CACNA1H: variants seen among roughly 807,000 people sequenced by gnomAD.
The protein encoded by CACNA1H is voltage-dependent T-type calcium channel subunit alpha-1H.
CACNA1H carries 149 observed loss-of-function variants against 192.5 expected under a neutral mutation model. The observed-to-expected ratio is 0.77, with a 90% CI of 0.68 to 0.89. The LOEUF (loss-of-function observed/expected upper bound fraction) is 0.89, where lower values mean the gene tolerates loss of function less well. Among genes scored for constraint, CACNA1H ranks in the 40% least tolerant of loss-of-function variants. The probability of loss-of-function intolerance (pLI) is 0.00; values close to 1 mark genes in which losing one functional copy is unlikely to be tolerated. For missense variants in CACNA1H, 4,257 were observed against 3,423.5 expected (o/e 1.24, Z -6.08); for synonymous variants, 2,202 against 1,475.2 (o/e 1.49, Z -11.29).
At chr16:1,215,139 G>T (rs751550871) in intron 28 of CACNA1H, 58 bp downstream of exon 28, 1 of 1,584,028 alleles carries the variant, frequency 6.3e-7, no homozygotes, top group Non-Finnish European at 8.6e-7. Flanking sequence ...TGGGGGCTGG[G>T]GGCAGGTGAG....
chr16:1,202,229 T>TGCCGCA lies in CACNA1H; in HGVS notation c.1783_1788dup (p.Ala595_Ala596dup). 2 of 1,556,336 alleles carry TGCCGCA rather than the reference T, an allele frequency of 1.3e-6. No homozygotes were observed. The highest frequency in any genetic ancestry group is 1.7e-6 in the Non-Finnish European group (2 of 1,151,634). On this transcript the variant is annotated inframe_insertion, in exon 9 of 35. Transcript: ENST00000348261. ...CGCAGGAGAGGGCCCGGGTGGCACATGCCGCAGCCACTGCCGCTGCCAGCC... is the reference window on the plus strand; with the variant it reads ...CGCAGGAGAGGGCCCGGGTGGCACATGCCGCAGCCGCAGCCACTGCCGCTGCCAGCC...
At chr16:1,187,648 C>T (rs1316372031) in intron 2 of CACNA1H, among the ~76,000 whole-genome samples, 1 of 152,188 alleles carries the variant, frequency 6.6e-6, no homozygotes, top group South Asian at 2.1e-4. Flanking sequence ...AGGATGCAGC[C>T]GAGCAGGGAG....
At chr16:1,198,017 T>C (rs755657805) in intron 5 of CACNA1H, among the ~76,000 whole-genome samples, 1 of 152,096 alleles carries the variant, frequency 6.6e-6, no homozygotes, top group Non-Finnish European at 1.5e-5. Context: ...TCCAGCAGCC[T>C]CTCTCTGAGA....
intron 25 of CACNA1H, 30 bp from the exon 26 acceptor site, chr16:1,212,481 G>C: frequency 1.2e-6 from 2 of 1,607,004 alleles, no homozygotes; most frequent in Admixed American, 3.4e-5. Flanking sequence ...CCACGCCCTC[G>C]GCCCTCAGAC....
At chr16:1,158,358 CG>C (rs1390628948) in intron 2 of CACNA1H, among the ~76,000 whole-genome samples, 1 of 151,564 alleles carries the variant, frequency 6.6e-6, no homozygotes, top group African/African-American at 2.4e-5. Context: ...GAGAGGCCCC[CG>C]GGGGTGACGA....
intron 2 of CACNA1H, among the ~76,000 whole-genome samples, chr16:1,187,554 T>G (rs992012480): frequency 2.0e-5 from 3 of 152,194 alleles, no homozygotes; most frequent in African/African-American, 7.2e-5. Context: ...AGCAGATTGC[T>G]CTAGGGGACA....
intron 12 of CACNA1H, 51 bp downstream of exon 12, chr16:1,206,340 T>G (rs1335781322): frequency 1.3e-6 from 2 of 1,520,248 alleles, no homozygotes; most frequent in Non-Finnish European, 1.8e-6. Context: ...CCAGGGCAGC[T>G]GGGAGGCAAA....
rs778680080 is a variant in CACNA1H, at chr16:1,205,284, C to T, written c.2603+19C>T. On this transcript the variant is annotated intron_variant, in intron 11 of 34. Coordinates refer to ENST00000348261, the MANE Select transcript of CACNA1H (RefSeq NM_021098.3). ...TCATCAGGTGGGTCCCCACCCTCTC[C>T]CCAGGAAGAGGGGCCCGGGAAGCTC... 10 of 1,584,100 alleles carry T rather than the reference C, an allele frequency of 6.3e-6. No homozygotes were observed. Among genetic ancestry groups the T allele is most frequent in the Non-Finnish European group, 8.6e-6 (10 of 1,159,290 alleles).
At chr16:1,174,599 C>A (rs990473293) in intron 2 of CACNA1H, among the ~76,000 whole-genome samples, 2 of 152,038 alleles carry the variant, frequency 1.3e-5, no homozygotes, top group African/African-American at 2.4e-5. Flanking sequence ...TGGGCCCCTC[C>A]CCAAGCAGGG....
At position 1,210,834 on chromosome 16, in the gene CACNA1H, C is replaced by T. The variant is rs767588625; in HGVS notation, c.4086C>T (p.Ser1362=). Residue 1362 remains serine (S), a synonymous_variant, in exon 21 of 35, where the codon AGC becomes AGT. Transcript: ENST00000348261. The part of the protein sequence containing the change: ...LLSGEHAYLQ[S]SWNLLDGLLV... ...CCGGCGAGCACGCCTACCTGCAGAG[C>T]AGCTGGAACCTGCTGGATGGGCTGC... 6.2e-6 allele frequency: 10 copies of T among 1,604,396 alleles called. No individual in the cohort carries two copies. In the Admixed American group the frequency reaches 1.0e-4, roughly 16 times the overall value.
intron 2 of CACNA1H, among the ~76,000 whole-genome samples, chr16:1,171,010 A>C (rs2151705840): frequency 6.6e-6 from 1 of 151,710 alleles, no homozygotes; most frequent in East Asian, 2.0e-4. Flanking sequence ...TCCTCTCTCT[A>C]GCTCTCCCCC....
chr16:1,155,865 C>T (rs537316051), intron 2 of CACNA1H, among the ~76,000 whole-genome samples: 13 of 152,208 alleles, frequency 8.5e-5, no homozygotes, highest in East Asian at 3.9e-4. Flanking sequence ...CTGGGGCCAG[C>T]GGCATCACGT....
intron 2 of CACNA1H, among the ~76,000 whole-genome samples, chr16:1,194,013 G>T: frequency 6.6e-6 from 1 of 152,126 alleles, no homozygotes; most frequent in African/African-American, 2.4e-5. Flanking sequence ...TGTTGGGCAG[G>T]GGGCGCTGCT....
chr16:1,172,158 GGT>G (rs886535774), intron 2 of CACNA1H, among the ~76,000 whole-genome samples: 1 of 152,194 alleles, frequency 6.6e-6, no homozygotes, highest in African/African-American at 2.4e-5. Flanking sequence ...GCACACGGTG[GGT>G]GTCAGGGGCG....
intron 33 of CACNA1H, 85 bp downstream of exon 33, chr16:1,218,736 C>T (rs2141397363): frequency 1.5e-6 from 2 of 1,302,308 alleles, no homozygotes; most frequent in East Asian, 2.5e-5. Context: ...AGGATGGGGT[C>T]AGGCCAGAGC....
chr16:1,192,683 C>T lies in CACNA1H; in HGVS notation c.300-2289C>T, dbSNP rs375104061. Among the ~76,000 whole-genome samples, 521 of 152,266 alleles carry T rather than the reference C, an allele frequency of 3.4e-3. 5 individuals are homozygous for T. Among genetic ancestry groups the T allele is most frequent in the South Asian group, 0.016 (75 of 4,830 alleles). On this transcript the variant is annotated intron_variant, in intron 2 of 34. Transcript: ENST00000348261. Reference sequence around the variant, plus strand: ...AAAGGCCTTGTGTCCAGGTAGCCCCCTAGCCTAGGGCACCCTCTGCTCCAG... The same window carrying T: ...AAAGGCCTTGTGTCCAGGTAGCCCCTTAGCCTAGGGCACCCTCTGCTCCAG...
At position 1,215,051 on chromosome 16, in the gene CACNA1H, C is replaced by T; in HGVS notation, c.5009C>T (p.Ala1670Val). ...FVFEAALKLVAFGFRRFFKDR... is the reference protein window; with the variant it reads ...FVFEAALKLVVFGFRRFFKDR... ...TTCGAGGCTGCACTGAAGCTGGTAGCATTTGGGTTCCGTCGGTTCTTCAAG... is the reference window on the plus strand; with the variant it reads ...TTCGAGGCTGCACTGAAGCTGGTAGTATTTGGGTTCCGTCGGTTCTTCAAG... Residue 1670 changes from alanine to valine, a missense_variant, in exon 28 of 35, where the codon GCA becomes GTA. Ala to Val is a moderately conservative substitution (Grantham distance 64). Transcript: ENST00000348261. 6.2e-7 allele frequency: 1 copy of T among 1,612,930 alleles called. No individual in the cohort carries two copies. Among genetic ancestry groups the T allele is most frequent in the Non-Finnish European group, 8.5e-7 (1 of 1,179,450 alleles).
chr16:1,199,642 GCCCTCACCCCGGGGTCCCCTCAA>G (rs1197891876), intron 6 of CACNA1H, among the ~76,000 whole-genome samples: 91 of 146,422 alleles, frequency 6.2e-4, no homozygotes, highest in African/African-American at 2.1e-3. Flanking sequence ...TCTCTCCTCA[GCCCTCACCCCGGGGTCCCCTCAA>G]CCCTCACCCC....
In CACNA1H at chr16:1,185,329, C is replaced by T. The variant is rs1014089263; in HGVS notation, c.300-9643C>T. ...TGTGGACACGTGTGGGCCCGTCTGTCGTGAGTGCCCGTTTCCTTTGTCCCT... is the reference window on the plus strand; with the variant it reads ...TGTGGACACGTGTGGGCCCGTCTGTTGTGAGTGCCCGTTTCCTTTGTCCCT... On this transcript the variant is annotated intron_variant, in intron 2 of 34. Transcript: ENST00000348261. Among the ~76,000 whole-genome samples, 10 of 152,294 alleles carry T rather than the reference C, an allele frequency of 6.6e-5. 2 individuals are homozygous for T. Among genetic ancestry groups the T allele is most frequent in the South Asian group, 4.1e-4 (2 of 4,822 alleles).
Sources: gnomAD v4.1 joint callset for allele counts (sites outside exome capture counted in the v4.1 genomes callset) on GRCh38, gnomAD v4.1.1 for gene constraint, MANE v1.5 for transcripts, NCBI Gene and HGNC (gene_info 2026-07-23, HGNC 2026-07-21) for gene names.